Variants in GPC5 observed in about 807,000 individuals in gnomAD.
GPC5 encodes glypican-5.
Under a neutral mutation model 53.9 loss-of-function variants are expected in GPC5, and 47 were observed. The ratio of observed to expected loss-of-function variants is 0.87; its 90% confidence interval spans 0.69 to 1.11. GPC5 has a LOEUF of 1.11. Ranked by LOEUF, GPC5 falls within the 50% of genes most tolerant of loss-of-function variation. The pLI is 0.00. For synonymous variants in GPC5, 286 were observed against 263.3 expected (o/e 1.09, Z -0.84); for missense variants, 748 against 713.1 (o/e 1.05, Z -0.56).
intron 7 of GPC5, chr13:92,701,288 T>C (rs1287441117): frequency 1.3e-5 from 2 of 152,124 alleles, no homozygotes; most frequent in African/African-American, 4.8e-5. Flanking sequence ...GTAGTATTCT[T>C]CATGAACCAT....
chr13:92,482,841 GA>G (rs1594239788), intron 7 of GPC5, among the ~76,000 whole-genome samples: 1 of 152,156 alleles, frequency 6.6e-6, no homozygotes, highest in African/African-American at 2.4e-5. Flanking sequence ...CATGCTTAAT[GA>G]TGGGGATACT....
intron 3 of GPC5, among the ~76,000 whole-genome samples, chr13:91,702,508 T>C (rs573220410): frequency 6.6e-6 from 1 of 152,174 alleles, no homozygotes; most frequent in African/African-American, 2.4e-5. Context: ...GGTCTGCATG[T>C]CTGTCTTTAT....
chr13:92,503,753 A>T (rs1396528672), intron 7 of GPC5, among the ~76,000 whole-genome samples: 1 of 151,928 alleles, frequency 6.6e-6, no homozygotes, highest in Non-Finnish European at 1.5e-5. Context: ...TACACACCAA[A>T]GTTTGTCAAA....
chr13:92,188,260 G>A (rs927940435), intron 7 of GPC5, among the ~76,000 whole-genome samples: 9 of 152,182 alleles, frequency 5.9e-5, no homozygotes, highest in Non-Finnish European at 1.3e-4. Flanking sequence ...CTGATGGCAG[G>A]AGGAAAGAAA....
chr13:91,793,678 C>T (rs1249274689), intron 5 of GPC5, among the ~76,000 whole-genome samples: 3 of 152,108 alleles, frequency 2.0e-5, no homozygotes, highest in Non-Finnish European at 4.4e-5. Context: ...TTAATTGACT[C>T]ACAGTTCTGC....
chr13:92,389,785 A>G (rs1874911146), intron 7 of GPC5, among the ~76,000 whole-genome samples: 1 of 152,208 alleles, frequency 6.6e-6, no homozygotes, highest in Admixed American at 6.5e-5. Flanking sequence ...GAACACACTG[A>G]TATTAGTCAT....
At chr13:92,341,466 T>G (rs541682662) in intron 7 of GPC5, among the ~76,000 whole-genome samples, 50 of 152,240 alleles carry the variant, frequency 3.3e-4, no homozygotes, top group African/African-American at 1.2e-3. Context: ...TCTATAAGAT[T>G]AAATGAAATT....
intron 7 of GPC5, among the ~76,000 whole-genome samples, chr13:92,780,225 T>A (rs1314547492): frequency 6.6e-6 from 1 of 151,922 alleles, no homozygotes; most frequent in East Asian, 1.9e-4. Flanking sequence ...TACTTAATAC[T>A]TTGCTACAAT....
intron 7 of GPC5, among the ~76,000 whole-genome samples, chr13:92,507,900 A>C (rs1880430634): frequency 6.6e-6 from 1 of 152,090 alleles, no homozygotes; most frequent in Non-Finnish European, 1.5e-5. Context: ...ATGTATATTG[A>C]ATGGATCTAT....
At chr13:92,658,039 G>C (rs1427237995) in intron 7 of GPC5, among the ~76,000 whole-genome samples, 1 of 151,958 alleles carries the variant, frequency 6.6e-6, no homozygotes, top group African/African-American at 2.4e-5. Flanking sequence ...ACTTTACTCT[G>C]TGTTTATTAT....
At chr13:92,474,798 C>T (rs1314778785) in intron 7 of GPC5, among the ~76,000 whole-genome samples, 1 of 151,872 alleles carries the variant, frequency 6.6e-6, no homozygotes, top group Admixed American at 6.6e-5. Context: ...TGTAGACAAC[C>T]CAAAGATACC....
intron 7 of GPC5, among the ~76,000 whole-genome samples, chr13:92,633,548 A>G (rs557644292): frequency 6.6e-6 from 1 of 152,232 alleles, no homozygotes; most frequent in East Asian, 1.9e-4. Flanking sequence ...TTATTTTCTA[A>G]TTGGCTACTC....
At chr13:92,808,547 C>T (rs1453658373) in intron 7 of GPC5, among the ~76,000 whole-genome samples, 2 of 151,960 alleles carry the variant, frequency 1.3e-5, no homozygotes. Flanking sequence ...TAAAGGGTCT[C>T]AAATATTTAG....
chr13:92,449,406 T>G (rs1012576780), intron 7 of GPC5, among the ~76,000 whole-genome samples: 2 of 152,160 alleles, frequency 1.3e-5, no homozygotes, highest in Non-Finnish European at 2.9e-5. Context: ...TCTCAACTCC[T>G]AGGGAATCTC....
At chr13:91,889,480 T>C (rs2039361817) in intron 5 of GPC5, among the ~76,000 whole-genome samples, 1 of 151,918 alleles carries the variant, frequency 6.6e-6, no homozygotes, top group Non-Finnish European at 1.5e-5. Flanking sequence ...TCTTTTTTAA[T>C]TGGAACTTGG....
chr13:92,601,412 G>A (rs772475791), intron 7 of GPC5, among the ~76,000 whole-genome samples: 9 of 151,622 alleles, frequency 5.9e-5, no homozygotes, highest in South Asian at 2.1e-4. Flanking sequence ...AAAATCAGCC[G>A]GGCATGGTGG....
intron 2 of GPC5, among the ~76,000 whole-genome samples, chr13:91,602,578 G>A: frequency 6.6e-6 from 1 of 152,212 alleles, no homozygotes; most frequent in Admixed American, 6.5e-5. Flanking sequence ...GATCTAAAAT[G>A]TCATAGCTTT....
At position 92,119,567 on chromosome 13, in the gene GPC5, ATTTTTT is replaced by A. The variant is rs59391576; in HGVS notation, c.1402-25242_1402-25237del. Among the ~76,000 whole-genome samples, 18 of 70,626 alleles carry A rather than the reference ATTTTTT, an allele frequency of 2.5e-4. No individual in the cohort carries two copies. The South Asian group carries it at 7.3e-3, about 29-fold the overall frequency. 46.3% of individuals were successfully genotyped at this position (70,626 alleles called of 152,430 possible). ...AGGCGCCCGCCACCTCGCCTGGCTA[ATTTTTT>A]TTTTTTTTTTTTTTTTTTTTGTATT... On this transcript the variant is annotated intron_variant, in intron 6 of 7. Coordinates refer to ENST00000377067, the MANE Select transcript of GPC5 (RefSeq NM_004466.6).
At chr13:92,314,042 CTG>C (rs767558666) in intron 7 of GPC5, among the ~76,000 whole-genome samples, 2 of 152,192 alleles carry the variant, frequency 1.3e-5, no homozygotes, top group Admixed American at 6.6e-5. Flanking sequence ...TGCATACAGA[CTG>C]TGAAATAATG....
Sources: gnomAD v4.1 joint callset for allele counts (sites outside exome capture counted in the v4.1 genomes callset) on GRCh38, gnomAD v4.1.1 for gene constraint, MANE v1.5 for transcripts, NCBI Gene and HGNC (gene_info 2026-07-23, HGNC 2026-07-21) for gene names.